Variants in ABCA4 observed in about 807,000 individuals in gnomAD.
ABCA4 encodes retinal-specific phospholipid-transporting ATPase ABCA4.
In ABCA4, 196 loss-of-function variants were observed where a neutral mutation model predicts 263.7. That is an observed-to-expected ratio of 0.74 (90% CI 0.66 to 0.84). The LOEUF is 0.84. Ranked by LOEUF, ABCA4 falls within the 40% of genes least tolerant of loss-of-function variation. The pLI, the probability that ABCA4 is intolerant of heterozygous loss-of-function variation, is 0.00. For synonymous variants in ABCA4, 1,133 were observed against 1,094.2 expected, an observed-to-expected ratio of 1.04 and a Z score of -0.70; for missense variants, 2,792 against 2,855.1, an observed-to-expected ratio of 0.98 and a Z score of 0.50.
chr1:94,044,217 T>G (rs1660606959), intron 20 of ABCA4, among the ~76,000 whole-genome samples: 2 of 151,924 alleles, frequency 1.3e-5, no homozygotes, highest in South Asian at 4.1e-4. Flanking sequence ...GGAAAAAAAG[T>G]AACTGAAAAG....
chr1:94,098,741 T>C, intron 6 of ABCA4, 53 bp downstream of exon 6: 2 of 1,598,212 alleles, frequency 1.3e-6, no homozygotes, highest in South Asian at 2.2e-5. Context: ...CGTGAGGCTC[T>C]GCTACCCCAG....
rs113039848 is a variant in ABCA4, at chr1:94,120,665, T to G, written c.66+315A>C. 3.8e-3 allele frequency among the ~76,000 whole-genome samples: 463 copies of G among 120,330 alleles called. 6 individuals carry two copies. Among genetic ancestry groups the G allele is most frequent in the African/African-American group, 0.014 (428 of 29,856 alleles). The allele number at this position is 120,330 out of a possible 152,430, so 78.9% of individuals were successfully genotyped here. On this transcript the variant is annotated intron_variant, in intron 1 of 49. Transcript: ENST00000370225. ...TCAGCGTGGATGCCCTAGAGAGCGG[T>G]AGACTGGACAGGCAGGTGTAAAACG...
intron 30 of ABCA4, among the ~76,000 whole-genome samples, 170 bp downstream of exon 30, chr1:94,029,275 C>G (rs1660131000): frequency 6.6e-6 from 1 of 152,188 alleles, no homozygotes; most frequent in Admixed American, 6.5e-5. Context: ...TTGGCAGCCA[C>G]AGCGCCCTGT....
intron 41 of ABCA4, 35 bp downstream of exon 41, chr1:94,008,716 A>G: frequency 6.2e-7 from 1 of 1,613,706 alleles, no homozygotes; most frequent in Non-Finnish European, 8.5e-7. Context: ...CTGTGGATCT[A>G]ACCAGCACCT....
chr1:94,022,171 A>T (rs752834158), intron 32 of ABCA4, among the ~76,000 whole-genome samples: 1 of 152,180 alleles, frequency 6.6e-6, no homozygotes, highest in Non-Finnish European at 1.5e-5. Flanking sequence ...GCCCTTCTGC[A>T]TCTGGTCTGT....
chr1:94,011,136 C>T, intron 39 of ABCA4, 126 bp downstream of exon 39: 1 of 1,566,582 alleles, frequency 6.4e-7, no homozygotes, highest in Non-Finnish European at 8.7e-7. Flanking sequence ...TGGCAGGACA[C>T]CTCCAGCCCA....
At chr1:94,084,019 C>T (rs887529848) in intron 6 of ABCA4, among the ~76,000 whole-genome samples, 1 of 152,224 alleles carries the variant, frequency 6.6e-6, no homozygotes, top group Non-Finnish European at 1.5e-5. Flanking sequence ...TCTCCAATTG[C>T]CAGCAGTGTT....
At chr1:94,030,609 T>A in intron 28 of ABCA4, 83 bp from the exon 29 acceptor site, 1 of 1,327,696 alleles carries the variant, frequency 7.5e-7, no homozygotes, top group East Asian at 2.3e-5. Flanking sequence ...GGATAGCTGC[T>A]GTGTGCCAGG....
intron 6 of ABCA4, among the ~76,000 whole-genome samples, chr1:94,092,515 G>A (rs1270997348): frequency 6.6e-6 from 1 of 152,226 alleles, no homozygotes; most frequent in Non-Finnish European, 1.5e-5. Flanking sequence ...TAGGAAATGC[G>A]TCATCAGTGG....
intron 1 of ABCA4, among the ~76,000 whole-genome samples, chr1:94,115,975 C>A (rs1321215026): frequency 1.3e-5 from 2 of 152,258 alleles, no homozygotes; most frequent in South Asian, 2.1e-4. Context: ...AGGGGACCAG[C>A]CAGCTTGGCC....
At chr1:94,089,294 T>C (rs1243553108) in intron 6 of ABCA4, among the ~76,000 whole-genome samples, 7 of 152,208 alleles carry the variant, frequency 4.6e-5, no homozygotes, top group Admixed American at 2.6e-4. Context: ...GTTTGTAAAG[T>C]GGAAAAACCT....
intron 44 of ABCA4, among the ~76,000 whole-genome samples, chr1:94,002,470 C>G (rs1368255800): frequency 6.6e-6 from 1 of 152,250 alleles, no homozygotes; most frequent in Non-Finnish European, 1.5e-5. Flanking sequence ...AATGTGAACA[C>G]AGCCATTGCT....
At chr1:94,100,844 C>T (rs920548281) in intron 5 of ABCA4, among the ~76,000 whole-genome samples, 4 of 152,200 alleles carry the variant, frequency 2.6e-5, no homozygotes, top group Non-Finnish European at 2.9e-5. Context: ...CCAGAGAGAA[C>T]GTTGCCATCG....
Position 93,997,869 on chromosome 1 carries a change from G to T in ABCA4, c.6721C>A (p.Leu2241Met). Residue 2241 changes from leucine (L) to methionine (M), a missense_variant, in exon 48 of 50, where the codon CTG becomes ATG. Coordinates refer to ENST00000370225, the MANE Select transcript of ABCA4 (RefSeq NM_000350.3). ...CCCCAGGGCCAACTTGCCTGGTCCA[G>T]TGTGGTCTGTGTGACTGAGTACTCC... ...IEEYSVTQTTLDQVFVNFAKQ... is the reference protein window; with the variant it reads ...IEEYSVTQTTMDQVFVNFAKQ... 2 of 1,614,110 alleles carry T rather than the reference G, an allele frequency of 1.2e-6. No homozygotes were observed. The highest frequency in any genetic ancestry group is 4.5e-5 in the East Asian group (2 of 44,874).
At chr1:94,069,727 G>A (rs565688716) in intron 11 of ABCA4, among the ~76,000 whole-genome samples, 2 of 152,208 alleles carry the variant, frequency 1.3e-5, no homozygotes, top group South Asian at 2.1e-4. Context: ...ACAGCCTTGG[G>A]CTATCTGAAT....
chr1:94,113,699 C>T (rs888539918), intron 1 of ABCA4, among the ~76,000 whole-genome samples: 23 of 152,342 alleles, frequency 1.5e-4, no homozygotes, highest in Middle Eastern at 6.8e-3. Flanking sequence ...CATTGCAAAG[C>T]CAACAAAAAT....
intron 18 of ABCA4, 48 bp from the exon 19 acceptor site, chr1:94,047,141 A>G: frequency 6.2e-7 from 1 of 1,601,598 alleles, no homozygotes; most frequent in Non-Finnish European, 8.6e-7. Flanking sequence ...GCCTAATTAC[A>G]TGGCCCCAGG....
intron 43 of ABCA4, 118 bp downstream of exon 43, chr1:94,007,516 T>C: frequency 4.3e-6 from 4 of 926,966 alleles, no homozygotes; most frequent in Non-Finnish European, 7.1e-6. Context: ...CCTCCTTCTC[T>C]GTACAGATCT....
intron 36 of ABCA4, chr1:94,019,348 G>T (rs116501527): frequency 3.8e-6 from 2 of 531,470 alleles, no homozygotes; most frequent in African/African-American, 3.8e-5. Flanking sequence ...GAGAGCCCCC[G>T]TTCACCAGTT....
Sources: gnomAD v4.1 joint callset for allele counts (sites outside exome capture counted in the v4.1 genomes callset) on GRCh38, gnomAD v4.1.1 for gene constraint, MANE v1.5 for transcripts, NCBI Gene and HGNC (gene_info 2026-07-23, HGNC 2026-07-21) for gene names.